GTF2IRD1: variants seen among roughly 807,000 people sequenced by gnomAD.
GTF2IRD1 encodes GTF2I repeat domain containing 1, also known as general transcription factor II-I repeat domain-containing protein 1.
A neutral mutation model predicts 113.2 loss-of-function variants in GTF2IRD1; 26 were observed. The ratio of observed to expected loss-of-function variants is 0.23; its 90% CI spans 0.17 to 0.32. The LOEUF (loss-of-function observed/expected upper bound fraction) is 0.32, where lower values mean the gene tolerates loss of function less well. Ranked by LOEUF, GTF2IRD1 falls within the 10% of genes least tolerant of loss-of-function variation. The pLI, the probability that GTF2IRD1 is intolerant of heterozygous loss-of-function variation, is 1.00. For synonymous variants in GTF2IRD1, 484 were observed against 529.1 expected (o/e 0.91, Z 1.17); for missense variants, 864 against 1,280.8 (o/e 0.67, Z 4.97).
intron 24 of GTF2IRD1, among the ~76,000 whole-genome samples, chr7:74,594,633 A>G (rs1802294744): frequency 6.6e-6 from 1 of 152,164 alleles, no homozygotes; most frequent in Non-Finnish European, 1.5e-5. Context: ...CTCAGGGAGC[A>G]GGTGAGAAGG....
At chr7:74,518,823 G>A (rs947486916) in intron 5 of GTF2IRD1, among the ~76,000 whole-genome samples, 17 of 152,282 alleles carry the variant, frequency 1.1e-4, no homozygotes, top group African/African-American at 4.1e-4. Flanking sequence ...AGGAGTTTGA[G>A]GATGCAGTGA....
In GTF2IRD1 at chr7:74,536,217, G is replaced by C. The variant is rs1798287649; in HGVS notation, c.1351G>C (p.Glu451Gln). 6.2e-7 allele frequency: 1 copy of C among 1,613,812 alleles called. No homozygotes were observed. Among genetic ancestry groups the C allele is most frequent in the Non-Finnish European group, 8.5e-7 (1 of 1,179,760 alleles). ...GAAGCTGGAGCCAGCCAGCCCGCCA[G>C]AGGACACCTCTGCAGAGGTCTCTAG... ...TTKLEPASPPEDTSAEVSRAT... is the reference protein window; with the variant it reads ...TTKLEPASPPQDTSAEVSRAT... Residue 451 changes from glutamate (E) to glutamine (Q), a missense_variant, in exon 11 of 27, where the codon GAG (glutamate) becomes CAG (glutamine). Glu to Gln is a conservative substitution (Grantham distance 29). This residue lies in a region of GTF2IRD1 where 218 missense variants were observed against 352.6 expected (regional missense o/e 0.62). Coordinates refer to ENST00000424337, the MANE Select transcript of GTF2IRD1 (RefSeq NM_005685.4).
intron 25 of GTF2IRD1, among the ~76,000 whole-genome samples, chr7:74,600,288 G>A (rs1252093453): frequency 6.6e-6 from 1 of 151,866 alleles, no homozygotes; most frequent in Non-Finnish European, 1.5e-5. Context: ...GCATGGTGGC[G>A]CGCACGTATA....
At position 74,519,502 on chromosome 7, in the gene GTF2IRD1, T is replaced by A. The variant is rs1554345394; in HGVS notation, c.699T>A (p.His233Gln). The A allele has an allele frequency of 6.2e-7, 1 of 1,609,622 alleles. No homozygotes were observed. Among genetic ancestry groups the A allele is most frequent in the Non-Finnish European group, 8.5e-7 (1 of 1,177,522 alleles). ...AGGGGTCACGGGACTGTGGCCTGCA[T>A]GGCCAGGCCCCCAAGGTGCCACCCC... Reference protein sequence around the residue: ...IPKGSRDCGLHGQAPKVPPQD... With the variant: ...IPKGSRDCGLQGQAPKVPPQD... Residue 233 changes from histidine to glutamine, a missense_variant, in exon 6 of 27, where the codon CAT becomes CAA. By Grantham distance (24) the His-to-Gln change is conservative. Transcript: ENST00000424337.
intron 6 of GTF2IRD1, among the ~76,000 whole-genome samples, chr7:74,520,487 G>A (rs111996804): frequency 0.046 from 6,939 of 152,094 alleles, 237 homozygotes; most frequent in Middle Eastern, 0.085. Flanking sequence ...ATGACAGATC[G>A]GTGGCAGTAG....
At chr7:74,576,874 G>A (rs587627371) in intron 22 of GTF2IRD1, among the ~76,000 whole-genome samples, 1 of 151,930 alleles carries the variant, frequency 6.6e-6, no homozygotes, top group African/African-American at 2.4e-5. Flanking sequence ...GCCCACTTTG[G>A]CCTTCCAAAG....
At chr7:74,513,667 C>T (rs1035767574) in intron 3 of GTF2IRD1, among the ~76,000 whole-genome samples, 10 of 152,158 alleles carry the variant, frequency 6.6e-5, no homozygotes, top group South Asian at 2.1e-4. Flanking sequence ...GCTAACTCAC[C>T]TACCCTGACA....
At chr7:74,471,083 G>C (rs1163393420) in intron 1 of GTF2IRD1, among the ~76,000 whole-genome samples, 2 of 152,198 alleles carry the variant, frequency 1.3e-5, no homozygotes, top group Non-Finnish European at 2.9e-5. Flanking sequence ...GGGATTACAG[G>C]CGTGAGCCAC....
At chr7:74,465,002 C>T (rs145201425) in intron 1 of GTF2IRD1, among the ~76,000 whole-genome samples, 2 of 152,296 alleles carry the variant, frequency 1.3e-5, no homozygotes, top group Non-Finnish European at 2.9e-5. Context: ...CAAGACCCAC[C>T]GCCCACCCAC....
At chr7:74,468,332 T>C (rs1246092999) in intron 1 of GTF2IRD1, among the ~76,000 whole-genome samples, 2 of 148,410 alleles carry the variant, frequency 1.3e-5, no homozygotes, top group African/African-American at 2.5e-5. Flanking sequence ...TGAGACCCTG[T>C]TCTCTACAAA....
rs1034136778 is a variant in GTF2IRD1 at position 74,502,266 on chromosome 7, G to A, written c.-6-5809G>A. On this transcript the variant is annotated intron_variant, in intron 1 of 26. Transcript: ENST00000424337. ...AAAGGGGAGTTTATTTAAATGGGCC[G>A]AGCCAGGAGCTTTGTCTTAGCCTTG... Among the ~76,000 whole-genome samples the A allele has an allele frequency of 5.9e-5, 9 of 152,288 alleles. No individual in the cohort carries two copies. The South Asian group carries it at 1.0e-3, about 18-fold the overall frequency.
At chr7:74,562,145 C>A (rs587605857) in intron 22 of GTF2IRD1, among the ~76,000 whole-genome samples, 107 of 152,376 alleles carry the variant, frequency 7.0e-4, no homozygotes, top group African/African-American at 2.5e-3. Context: ...TTTTCTCAAA[C>A]TCTCCCTCAC....
intron 1 of GTF2IRD1, among the ~76,000 whole-genome samples, chr7:74,499,879 A>C (rs1422226541): frequency 6.6e-6 from 1 of 152,222 alleles, no homozygotes; most frequent in Non-Finnish European, 1.5e-5. Context: ...GGAATGAATG[A>C]GTGAATGTAC....
At chr7:74,506,836 TG>T (rs1796321370) in intron 1 of GTF2IRD1, 2 of 152,694 alleles carry the variant, frequency 1.3e-5, no homozygotes, top group Non-Finnish European at 2.9e-5. Flanking sequence ...GACCCACAAC[TG>T]GGGGCCCTGG....
intron 1 of GTF2IRD1, among the ~76,000 whole-genome samples, chr7:74,483,937 T>C (rs1794881303): frequency 6.6e-6 from 1 of 152,106 alleles, no homozygotes; most frequent in Admixed American, 6.6e-5. Flanking sequence ...CTGCTCTGCC[T>C]GAATTACCTC....
intron 1 of GTF2IRD1, among the ~76,000 whole-genome samples, chr7:74,466,539 G>T (rs782379910): frequency 6.6e-6 from 1 of 152,060 alleles, no homozygotes; most frequent in Non-Finnish European, 1.5e-5. Context: ...GCTCCGTCTC[G>T]CTTCCTGGAA....
chr7:74,535,004 A>T, intron 9 of GTF2IRD1, 109 bp from the exon 10 acceptor site: 2 of 865,830 alleles, frequency 2.3e-6, no homozygotes, highest in South Asian at 1.3e-5. Flanking sequence ...GTAGCTGTGC[A>T]TGTGTCACTC....
intron 1 of GTF2IRD1, 90 bp from the exon 2 acceptor site, chr7:74,507,985 C>A (rs1417866806): frequency 1.4e-6 from 2 of 1,430,638 alleles, no homozygotes; most frequent in Admixed American, 4.3e-5. Context: ...CTTGGGAGTC[C>A]GGGGGTCAGG....
Position 74,536,237 on chromosome 7 carries a change from C to A in GTF2IRD1, c.1371C>A (p.Val457=). Residue 457 remains valine (V), a synonymous_variant, in exon 11 of 27, where the codon GTC becomes GTA. Coordinates refer to ENST00000424337, the MANE Select transcript of GTF2IRD1 (RefSeq NM_005685.4). ...CGCCAGAGGACACCTCTGCAGAGGTCTCTAGGGCCACCGTCCTTGACCTTG... is the reference window on the plus strand; with the variant it reads ...CGCCAGAGGACACCTCTGCAGAGGTATCTAGGGCCACCGTCCTTGACCTTG... ...ASPPEDTSAE[V]SRATVLDLAG... is the part of the protein sequence containing the mutation. 1 of 1,612,630 alleles carries A rather than the reference C, an allele frequency of 6.2e-7. No homozygotes were observed. The highest frequency in any genetic ancestry group is 1.1e-5 in the South Asian group (1 of 91,052).
Sources: allele counts gnomAD v4.1 joint callset (sites outside exome capture counted in the v4.1 genomes callset), GRCh38; gene constraint gnomAD v4.1.1; regional missense constraint gnomAD v4.1.1; transcripts MANE v1.5; gene names NCBI Gene and HGNC (gene_info 2026-07-23, HGNC 2026-07-21).